Variants in GRHL2 observed in about 807,000 individuals in gnomAD.
GRHL2 encodes the protein grainyhead-like protein 2 homolog.
GRHL2 carries 21 observed loss-of-function variants against 83.8 expected under a neutral mutation model. That is an observed-to-expected ratio of 0.25 (90% CI 0.18 to 0.36). The LOEUF is 0.36. Among genes scored for constraint, GRHL2 ranks in the 10% least tolerant of loss-of-function variants. The pLI is 1.00. For missense variants in GRHL2, 623 were observed against 781.8 expected (o/e 0.80, Z 2.42); for synonymous variants, 280 against 278.9 (o/e 1.00, Z -0.04).
chr8:101,652,952 C>T (rs1813703086), intron 14 of GRHL2, among the ~76,000 whole-genome samples: 1 of 152,100 alleles, frequency 6.6e-6, no homozygotes, highest in African/African-American at 2.4e-5. Flanking sequence ...GTCCAAAAGG[C>T]AGAATGTTAT....
chr8:101,573,966 A>G lies in GRHL2; in HGVS notation c.891+142A>G, dbSNP rs117096903. 4,656 of 957,684 alleles carry G rather than the reference A, an allele frequency of 4.9e-3. 16 individuals carry two copies. Among genetic ancestry groups the G allele is most frequent in the Non-Finnish European group, 6.0e-3 (3,741 of 621,792 alleles). 59.3% of individuals were successfully genotyped at this position (957,684 alleles called of 1,614,324 possible). A position where few individuals can be genotyped will look rare whatever the true frequency, so the allele number is the denominator to read the frequency against. On this transcript the variant is annotated intron_variant, in intron 6 of 15. Coordinates refer to ENST00000646743, the MANE Select transcript of GRHL2 (RefSeq NM_024915.4). ...GAACGAATGTCAGAGAGTTGGGGCAAGAGCACTTATTGGCTCGTAGTTGAT... is the reference window on the plus strand; with the variant it reads ...GAACGAATGTCAGAGAGTTGGGGCAGGAGCACTTATTGGCTCGTAGTTGAT...
intron 4 of GRHL2, among the ~76,000 whole-genome samples, chr8:101,567,381 T>C (rs1811738859): frequency 3.3e-5 from 5 of 152,210 alleles, no homozygotes; most frequent in Admixed American, 2.0e-4. Flanking sequence ...CGAGCAACTG[T>C]GGAAACTTGA....
At chr8:101,583,287 C>G (rs1417361903) in intron 7 of GRHL2, among the ~76,000 whole-genome samples, 1 of 152,080 alleles carries the variant, frequency 6.6e-6, no homozygotes, top group African/African-American at 2.4e-5. Flanking sequence ...CAGCAATAGC[C>G]AGGTGAAAGA....
chr8:101,568,080 C>T (rs1725588860), intron 4 of GRHL2, among the ~76,000 whole-genome samples: 1 of 152,172 alleles, frequency 6.6e-6, no homozygotes, highest in Admixed American at 6.5e-5. Flanking sequence ...GTAGAGCTTT[C>T]TGCAATGATG....
chr8:101,652,577 GTGTGTGGTGTC>G (rs1813691055), intron 14 of GRHL2, among the ~76,000 whole-genome samples: 1 of 106,854 alleles, frequency 9.4e-6, no homozygotes, highest in Non-Finnish European at 1.9e-5. Context: ...TGTGTGTGGT[GTGTGTGGTGTC>G]TGTGTGTGTG....
At chr8:101,502,970 T>C (rs1007469699) in intron 1 of GRHL2, among the ~76,000 whole-genome samples, 4 of 152,138 alleles carry the variant, frequency 2.6e-5, no homozygotes, top group African/African-American at 9.7e-5. Context: ...TTTCAAATAA[T>C]ATAAGGATAA....
intron 13 of GRHL2, among the ~76,000 whole-genome samples, chr8:101,644,495 G>T (rs1199282345): frequency 6.6e-6 from 1 of 152,232 alleles, no homozygotes; most frequent in East Asian, 1.9e-4. Context: ...CAAGGTACAA[G>T]GTTAAGAACG....
chr8:101,523,465 T>A (rs1399225604), intron 1 of GRHL2, among the ~76,000 whole-genome samples: 3 of 121,198 alleles, frequency 2.5e-5, no homozygotes. Flanking sequence ...AGTACTTTTA[T>A]ATCCACTGAA....
At chr8:101,591,070 A>C (rs1338904439) in intron 7 of GRHL2, among the ~76,000 whole-genome samples, 4 of 152,228 alleles carry the variant, frequency 2.6e-5, no homozygotes, top group Admixed American at 2.0e-4. Context: ...ATTTGAAGAA[A>C]GCTCAGCCTA....
At chr8:101,556,830 C>A (rs1811496662) in intron 3 of GRHL2, among the ~76,000 whole-genome samples, 1 of 150,676 alleles carries the variant, frequency 6.6e-6, no homozygotes, top group Non-Finnish European at 1.5e-5. Flanking sequence ...ACTCCCTAGT[C>A]CTTCAAATTA....
chr8:101,547,786 G>A (rs1811296067), intron 2 of GRHL2, among the ~76,000 whole-genome samples: 1 of 152,214 alleles, frequency 6.6e-6, no homozygotes, highest in Non-Finnish European at 1.5e-5. Flanking sequence ...TCATAAAGTG[G>A]TGTTTATTTT....
intron 9 of GRHL2, among the ~76,000 whole-genome samples, chr8:101,623,522 T>A (rs975264063): frequency 6.9e-6 from 1 of 143,996 alleles, no homozygotes; most frequent in Admixed American, 6.7e-5. Context: ...CAGTACACAA[T>A]AGGACAGTTC....
chr8:101,653,479 C>T (rs1459770596), intron 14 of GRHL2, among the ~76,000 whole-genome samples: 2 of 152,102 alleles, frequency 1.3e-5, no homozygotes, highest in East Asian at 1.9e-4. Flanking sequence ...TAACTGGGCC[C>T]GTCAGAATCA....
chr8:101,667,064 C>T lies in GRHL2; in HGVS notation c.*361C>T, dbSNP rs1403418878. ...CCCCCTTCAAGAGAAACACTCATCC[C>T]GAACAGCCTAAAAAATTCCCATCCC... On this transcript the variant is annotated 3_prime_UTR_variant, in exon 16 of 16. Transcript: ENST00000646743. The T allele has an allele frequency of 2.9e-5, 10 of 347,234 alleles. No individual in the cohort carries two copies. Among genetic ancestry groups the T allele is most frequent in the South Asian group, 6.6e-5 (2 of 30,506 alleles). 21.5% of individuals were successfully genotyped at this position (347,234 alleles called of 1,614,324 possible). A position where few individuals can be genotyped will look rare whatever the true frequency, so the allele number is the denominator to read the frequency against.
chr8:101,653,347 C>G (rs960426499), intron 14 of GRHL2, among the ~76,000 whole-genome samples: 1 of 152,150 alleles, frequency 6.6e-6, no homozygotes, highest in African/African-American at 2.4e-5. Context: ...CGTGATTAAT[C>G]AAGAGATATT....
chr8:101,669,879 T>G (rs1246671212), downstream of GRHL2, among the ~76,000 whole-genome samples: 1 of 152,178 alleles, frequency 6.6e-6, no homozygotes, highest in Non-Finnish European at 1.5e-5. Flanking sequence ...AAAGTTACTT[T>G]GCTGTGCTTC....
At position 101,564,701 on chromosome 8, in the gene GRHL2, G is replaced by A. The variant is rs551347020; in HGVS notation, c.679-5638G>A. ...GTGGCATGCACCTGTAGTCCGAGCT[G>A]CTTGGGAGGCTGAGGCGGGAGGATT... is the stretch of plus-strand genomic sequence containing the variant. On this transcript the variant is annotated intron_variant, in intron 4 of 15. Transcript: ENST00000646743. Among the ~76,000 whole-genome samples the A allele has an allele frequency of 2.0e-5, 3 of 149,842 alleles. No homozygotes were observed. In the South Asian group the frequency reaches 6.4e-4, roughly 32 times the overall value.
At chr8:101,544,140 A>G (rs970686367) in intron 2 of GRHL2, 1 of 152,322 alleles carries the variant, frequency 6.6e-6, no homozygotes, top group African/African-American at 2.4e-5. Flanking sequence ...GAGCCAAACC[A>G]TATCAGTGGC....
Position 101,543,226 on chromosome 8 carries a change from C to A in GRHL2, c.21-15C>A. On this transcript the variant is annotated splice_polypyrimidine_tract_variant and intron_variant, in intron 1 of 15. Coordinates refer to ENST00000646743, the MANE Select transcript of GRHL2 (RefSeq NM_024915.4). ...CTCTCTGAAAATGAACCTCACATTT[C>A]TCTTGTTTTTACAGTAATAAAAGAC... is the stretch of plus-strand genomic sequence containing the variant. The A allele has an allele frequency of 6.2e-7, 1 of 1,609,582 alleles. No individual in the cohort carries two copies. Among genetic ancestry groups the A allele is most frequent in the Non-Finnish European group, 8.5e-7 (1 of 1,175,832 alleles).
Sources: allele counts gnomAD v4.1 joint callset (sites outside exome capture counted in the v4.1 genomes callset), GRCh38; gene constraint gnomAD v4.1.1; transcripts MANE v1.5; gene names NCBI Gene and HGNC (gene_info 2026-07-23, HGNC 2026-07-21).